The following MMD2 variants were observed in gnomAD, a reference collection of about 807,000 sequenced individuals.
MMD2 encodes the protein monocyte to macrophage differentiation associated 2.
Under a neutral mutation model 33.5 loss-of-function variants are expected in MMD2, and 30 were observed. The observed-to-expected ratio is 0.90, with a 90% CI of 0.67 to 1.22. The LOEUF is 1.22. Among genes scored for constraint, MMD2 ranks in the 50% most tolerant of loss-of-function variants. MMD2 has a pLI of 0.00. For missense variants in MMD2, 364 were observed against 325.4 expected (o/e 1.12, Z -0.91); for synonymous variants, 129 against 123.0 (o/e 1.05, Z -0.32).
At chr7:4,919,733 A>G (rs969186824) in intron 3 of MMD2, among the ~76,000 whole-genome samples, 1 of 151,858 alleles carries the variant, frequency 6.6e-6, no homozygotes, top group African/African-American at 2.4e-5. Flanking sequence ...CCACCCCCCA[A>G]AAAAATACAA....
At chr7:4,895,447 G>T in the MMD2 span, among the ~76,000 whole-genome samples, 2 of 152,172 alleles carry the variant, frequency 1.3e-5, no homozygotes, top group Admixed American at 1.3e-4. Flanking sequence ...GCGGGGTTGC[G>T]GTGTGGAGAA....
Position 4,959,076 on chromosome 7 carries a change from TG to T in MMD2, c.-60del. 5 of 1,226,708 alleles carry T rather than the reference TG, an allele frequency of 4.1e-6. No homozygotes were observed. Among genetic ancestry groups the T allele is most frequent in the South Asian group, 4.0e-5 (1 of 24,744 alleles). The allele number at this position is 1,226,708 out of a possible 1,614,324, so 76.0% of individuals were successfully genotyped here. ...CAGAGCGCGGGTAGCTGGCAGAGCC[TG>T]GGGGGCGCGGCGGCGGCAGCAGCAG... On this transcript the variant is annotated 5_prime_UTR_variant, in exon 1 of 7. Transcript: ENST00000401401.
chr7:4,911,538 G>A (rs1049788973), intron 4 of MMD2, among the ~76,000 whole-genome samples: 2 of 152,190 alleles, frequency 1.3e-5, no homozygotes, highest in Non-Finnish European at 2.9e-5. Flanking sequence ...GCCTGTTTGG[G>A]GGCGATTGTG....
rs552930252 is a variant in MMD2 at position 4,908,967 on chromosome 7, G to A, written c.537+914C>T. On this transcript the variant is annotated intron_variant, in intron 6 of 6. Coordinates refer to ENST00000401401, the MANE Select transcript of MMD2 (RefSeq NM_198403.4). ...AGAGATGCAAAAAGTTCTTGAGATGGATGGTGGTGATGGACGCACGACAAT... is the reference window on the plus strand; with the variant it reads ...AGAGATGCAAAAAGTTCTTGAGATGAATGGTGGTGATGGACGCACGACAAT... 5.7e-4 allele frequency among the ~76,000 whole-genome samples: 86 copies of A among 152,000 alleles called. 1 individual carries two copies. The highest frequency in any genetic ancestry group is 1.8e-3 in the African/African-American group (74 of 41,416).
At chr7:4,926,274 T>C (rs1785424760) in intron 1 of MMD2, among the ~76,000 whole-genome samples, 1 of 151,976 alleles carries the variant, frequency 6.6e-6, no homozygotes. Flanking sequence ...AATTTTTTTG[T>C]ATTTTTTATA....
At chr7:4,900,800 C>T in the MMD2 span, among the ~76,000 whole-genome samples, 1 of 152,156 alleles carries the variant, frequency 6.6e-6, no homozygotes, top group African/African-American at 2.4e-5. Context: ...CCTCTCCACA[C>T]CTTGCTCTTC....
chr7:4,928,148 A>G (rs1237370238), intron 1 of MMD2, among the ~76,000 whole-genome samples: 27 of 152,118 alleles, frequency 1.8e-4, no homozygotes, highest in Non-Finnish European at 4.4e-5. Flanking sequence ...CAGCCACCCA[A>G]TGGGGTTAAA....
At chr7:4,913,079 T>G (rs1484065487) in intron 4 of MMD2, among the ~76,000 whole-genome samples, 2 of 152,146 alleles carry the variant, frequency 1.3e-5, no homozygotes, top group Admixed American at 6.6e-5. Context: ...AGTCTGTCAT[T>G]ATAAAGAATT....
intron 6 of MMD2, among the ~76,000 whole-genome samples, chr7:4,908,995 G>A (rs1013154722): frequency 6.6e-6 from 1 of 151,968 alleles, no homozygotes; most frequent in Non-Finnish European, 1.5e-5. Context: ...ACGACAATGT[G>A]AGTGTGCTTA....
chr7:4,949,137 G>A (rs1197732770), intron 1 of MMD2, among the ~76,000 whole-genome samples: 1 of 151,182 alleles, frequency 6.6e-6, no homozygotes, highest in Non-Finnish European at 1.5e-5. Flanking sequence ...TTGAGCCTGG[G>A]AGGCAAAGGT....
chr7:4,956,851 C>G (rs538871892), intron 1 of MMD2, among the ~76,000 whole-genome samples: 1 of 152,088 alleles, frequency 6.6e-6, no homozygotes, highest in African/African-American at 2.4e-5. Flanking sequence ...CTCTCTTTCC[C>G]GTGAACAGTC....
intron 1 of MMD2, among the ~76,000 whole-genome samples, chr7:4,942,823 G>C (rs2115143761): frequency 6.7e-6 from 1 of 149,998 alleles, no homozygotes; most frequent in Non-Finnish European, 1.5e-5. Flanking sequence ...CACCATGTTA[G>C]TCAGGCTGGT....
the MMD2 span, among the ~76,000 whole-genome samples, chr7:4,895,727 T>A: frequency 6.6e-6 from 1 of 151,788 alleles, no homozygotes; most frequent in Non-Finnish European, 1.5e-5. Flanking sequence ...AGTAGAGACG[T>A]GTTTCATCAT....
At chr7:4,923,754 C>G (rs186809817) in intron 2 of MMD2, among the ~76,000 whole-genome samples, 1 of 152,272 alleles carries the variant, frequency 6.6e-6, no homozygotes, top group Admixed American at 6.5e-5. Context: ...CGAGCCCCTA[C>G]GATGCACACA....
intron 2 of MMD2, among the ~76,000 whole-genome samples, chr7:4,922,818 C>T (rs1010554086): frequency 1.3e-4 from 20 of 152,134 alleles, no homozygotes; most frequent in Non-Finnish European, 7.4e-5. Context: ...ATTCATTCCA[C>T]AAACCTGTGA....
At position 4,956,750 on chromosome 7, in the gene MMD2, A is replaced by G. The variant is rs548614339; in HGVS notation, c.47+2221T>C. Among the ~76,000 whole-genome samples, 59 of 152,290 alleles carry G rather than the reference A, an allele frequency of 3.9e-4. No individual in the cohort carries two copies. The South Asian group carries it at 0.012, about 30-fold the overall frequency. On this transcript the variant is annotated intron_variant, in intron 1 of 6. Coordinates refer to ENST00000401401, the MANE Select transcript of MMD2 (RefSeq NM_198403.4). ...AGGTTGAGACATCTACCAAGGTCAC[A>G]CAGCAGGTGTGGGACAGGCCCGGGC...
intron 4 of MMD2, among the ~76,000 whole-genome samples, chr7:4,911,502 T>C (rs12540466): frequency 0.046 from 6,990 of 152,098 alleles, 557 homozygotes; most frequent in African/African-American, 0.16. Flanking sequence ...TAGCACCTCA[T>C]ACTGGTGGGA....
intron 4 of MMD2, among the ~76,000 whole-genome samples, chr7:4,915,377 A>G (rs1245876804): frequency 6.6e-6 from 1 of 152,056 alleles, no homozygotes; most frequent in Non-Finnish European, 1.5e-5. Context: ...GCATACGTCT[A>G]TGTCTATTAC....
the MMD2 span, among the ~76,000 whole-genome samples, chr7:4,899,728 C>G: frequency 1.3e-5 from 2 of 152,080 alleles, no homozygotes; most frequent in African/African-American, 2.4e-5. Flanking sequence ...GGGTCTTCAA[C>G]AAAAAGGCTT....
Sources: allele counts gnomAD v4.1 joint callset (sites outside exome capture counted in the v4.1 genomes callset), GRCh38; gene constraint gnomAD v4.1.1; transcripts MANE v1.5; gene names NCBI Gene and HGNC (gene_info 2026-07-23, HGNC 2026-07-21).